CSMD1: variants seen among roughly 807,000 people sequenced by gnomAD.
CSMD1 encodes CUB and sushi domain-containing protein 1.
In CSMD1, 213 loss-of-function variants were observed where a neutral mutation model predicts 417.5. That is an observed-to-expected ratio of 0.51 (90% confidence interval 0.46 to 0.57). The LOEUF (loss-of-function observed/expected upper bound fraction) is 0.57. Ranked by LOEUF, CSMD1 falls within the 20% of genes least tolerant of loss-of-function variation. CSMD1 has a pLI of 0.00. For synonymous variants in CSMD1, 2,862 were observed against 1,736.8 expected, an observed-to-expected ratio of 1.65 and a Z score of -16.11; for missense variants, 6,923 against 4,529.7, an observed-to-expected ratio of 1.53 and a Z score of -15.17.
At chr8:3,281,592 A>C (rs1802743388) in intron 26 of CSMD1, among the ~76,000 whole-genome samples, 1 of 152,182 alleles carries the variant, frequency 6.6e-6, no homozygotes, top group South Asian at 2.1e-4. Flanking sequence ...AAGGCCACAC[A>C]CTGCGTGATT....
chr8:3,190,553 T>C (rs949519917), intron 33 of CSMD1, among the ~76,000 whole-genome samples: 4 of 152,274 alleles, frequency 2.6e-5, no homozygotes, highest in South Asian at 2.1e-4. Flanking sequence ...AAAGCTACCA[T>C]ATGAAGGATT....
intron 7 of CSMD1, among the ~76,000 whole-genome samples, chr8:3,647,550 T>A (rs998939230): frequency 6.6e-6 from 1 of 151,866 alleles, no homozygotes; most frequent in Non-Finnish European, 1.5e-5. Context: ...TAGAGACAAA[T>A]ACAGCATAAA....
At chr8:3,810,239 G>C (rs1175936770) in intron 5 of CSMD1, among the ~76,000 whole-genome samples, 2 of 152,130 alleles carry the variant, frequency 1.3e-5, no homozygotes, top group African/African-American at 4.8e-5. Flanking sequence ...AGTTTTCATA[G>C]AGATTTCAAA....
At chr8:4,934,486 T>C (rs769716121) in intron 1 of CSMD1, among the ~76,000 whole-genome samples, 15 of 152,116 alleles carry the variant, frequency 9.9e-5, no homozygotes, top group East Asian at 1.9e-4. Context: ...TTATAGAAAA[T>C]ACGAAGAGCT....
intron 1 of CSMD1, among the ~76,000 whole-genome samples, chr8:4,698,980 G>T (rs2116806656): frequency 6.6e-6 from 1 of 150,910 alleles, no homozygotes; most frequent in South Asian, 2.1e-4. Context: ...GATTATCACT[G>T]CCTTGCCATG....
intron 5 of CSMD1, among the ~76,000 whole-genome samples, chr8:3,840,874 T>C (rs1803091575): frequency 6.6e-6 from 1 of 151,858 alleles, no homozygotes; most frequent in African/African-American, 2.4e-5. Flanking sequence ...CGCCCATTAA[T>C]TTTTGTATTT....
intron 21 of CSMD1, among the ~76,000 whole-genome samples, chr8:3,357,260 G>A (rs1264463033): frequency 2.0e-5 from 3 of 152,168 alleles, no homozygotes; most frequent in Non-Finnish European, 4.4e-5. Context: ...TGTCCAGTGC[G>A]GTGGTTAAAG....
chr8:4,608,112 G>C (rs1452469006), intron 2 of CSMD1, among the ~76,000 whole-genome samples: 1 of 152,220 alleles, frequency 6.6e-6, no homozygotes, highest in African/African-American at 2.4e-5. Context: ...AAGGTGACCA[G>C]TGTCCCTGGT....
chr8:3,894,541 C>G (rs1274209481), intron 5 of CSMD1, among the ~76,000 whole-genome samples: 1 of 152,004 alleles, frequency 6.6e-6, no homozygotes, highest in Non-Finnish European at 1.5e-5. Flanking sequence ...TGATAGATTC[C>G]TCAAAAGTGT....
chr8:4,066,676 C>G (rs1204665651), intron 3 of CSMD1, among the ~76,000 whole-genome samples: 1 of 152,156 alleles, frequency 6.6e-6, no homozygotes, highest in East Asian at 1.9e-4. Context: ...AAGAACATTT[C>G]TATTCTATCC....
intron 49 of CSMD1, among the ~76,000 whole-genome samples, chr8:3,066,970 G>T (rs1288132217): frequency 6.6e-6 from 1 of 152,126 alleles, no homozygotes; most frequent in Non-Finnish European, 1.5e-5. Flanking sequence ...TGCTAATAAA[G>T]AGGTACAGAC....
At chr8:4,867,037 T>C (rs1031726024) in intron 1 of CSMD1, among the ~76,000 whole-genome samples, 13 of 152,026 alleles carry the variant, frequency 8.6e-5, no homozygotes, top group Non-Finnish European at 1.8e-4. Context: ...TGCGTTTTTG[T>C]TTTTTGCTCA....
intron 23 of CSMD1, among the ~76,000 whole-genome samples, chr8:3,316,329 A>T (rs1805755703): frequency 6.6e-6 from 1 of 152,196 alleles, no homozygotes; most frequent in Non-Finnish European, 1.5e-5. Flanking sequence ...CTGTAAAAAA[A>T]ATGTTTTCAA....
At position 4,723,795 on chromosome 8, in the gene CSMD1, A is replaced by AAAC. The variant is rs1255150398; in HGVS notation, c.86-86238_86-86237insGTT. The stretch of plus-strand genomic sequence containing the variant: ...CAATATGCTTTCGAATGTAAAAAAA[A>AAAC]AAAAACAAAAAAAAAACAAAACAAA... On this transcript the variant is annotated intron_variant, in intron 1 of 69. Coordinates refer to ENST00000635120, the MANE Select transcript of CSMD1 (RefSeq NM_033225.6). Among the ~76,000 whole-genome samples, 125 of 146,358 alleles carry AAAC rather than the reference A, an allele frequency of 8.5e-4. 3 individuals carry two copies. Among genetic ancestry groups the AAAC allele is most frequent in the East Asian group, 2.0e-4 (1 of 5,066 alleles).
Position 3,699,906 on chromosome 8 carries a change from T to A in CSMD1, c.1009+8508A>T. Among the ~76,000 whole-genome samples, 2 of 131,086 alleles carry A rather than the reference T, an allele frequency of 1.5e-5. 1 individual carries two copies. Among genetic ancestry groups the A allele is most frequent in the Non-Finnish European group, 3.4e-5 (2 of 59,438 alleles). The allele number at this position is 131,086 out of a possible 152,430, so 86.0% of individuals were successfully genotyped here. ...AGCTACATCCCTGGGTTATATCCCA[T>A]AACTACATCCCTGGGTTATATCCCA... On this transcript the variant is annotated intron_variant, in intron 7 of 69. Transcript: ENST00000635120.
chr8:4,836,610 A>T (rs1800509153), intron 1 of CSMD1, among the ~76,000 whole-genome samples: 1 of 152,198 alleles, frequency 6.6e-6, no homozygotes, highest in African/African-American at 2.4e-5. Context: ...CAAGCTGTAT[A>T]CTCTGCTTTT....
intron 3 of CSMD1, among the ~76,000 whole-genome samples, chr8:4,114,987 G>C (rs1026531746): frequency 1.4e-4 from 21 of 152,160 alleles, no homozygotes; most frequent in African/African-American, 5.1e-4. Context: ...AAAATATCTA[G>C]ATTATTATAG....
At chr8:4,976,088 C>T (rs1185756390) in intron 1 of CSMD1, among the ~76,000 whole-genome samples, 3 of 152,118 alleles carry the variant, frequency 2.0e-5, no homozygotes, top group Non-Finnish European at 2.9e-5. Flanking sequence ...CACATGTTCT[C>T]ACCTATTACT....
chr8:4,049,049 C>G (rs1434845215), intron 3 of CSMD1, among the ~76,000 whole-genome samples: 1 of 152,190 alleles, frequency 6.6e-6, no homozygotes, highest in East Asian at 1.9e-4. Context: ...CTCAACAACT[C>G]TCAAAACAGT....
Sources: allele counts gnomAD v4.1 joint callset (sites outside exome capture counted in the v4.1 genomes callset), GRCh38; gene constraint gnomAD v4.1.1; transcripts MANE v1.5; gene names NCBI Gene and HGNC (gene_info 2026-07-23, HGNC 2026-07-21).